ZC3H12B: variants seen among roughly 807,000 people sequenced by gnomAD.
ZC3H12B encodes the protein probable ribonuclease ZC3H12B.
Under a neutral mutation model 43.9 loss-of-function variants are expected in ZC3H12B, and 7 were observed. The ratio of observed to expected loss-of-function variants is 0.16; its 90% CI spans 0.09 to 0.30. The LOEUF is 0.30. Ranked by LOEUF, ZC3H12B falls within the 10% of genes least tolerant of loss-of-function variation. The pLI is 1.00. For missense variants in ZC3H12B, 475 were observed against 670.2 expected (o/e 0.71, Z 3.22); for synonymous variants, 222 against 241.7 (o/e 0.92, Z 0.76).
chrX:65,351,379 G>A, the ZC3H12B span, among the ~76,000 whole-genome samples: 2 of 111,849 alleles, frequency 1.8e-5, no homozygotes, highest in Admixed American at 9.5e-5. Context: ...AGAAAGCCTG[G>A]GCAATACCAT....
intron 4 of ZC3H12B, 126 bp downstream of exon 9, chrX:65,500,115 A>G (rs1203481854): frequency 3.8e-6 from 2 of 533,043 alleles, no homozygotes; most frequent in East Asian, 6.7e-5. Flanking sequence ...TTTGAGTTAA[A>G]GTTTGTGTCT....
the ZC3H12B span, among the ~76,000 whole-genome samples, chrX:65,078,328 T>C: frequency 1.8e-5 from 2 of 112,384 alleles, no homozygotes; most frequent in South Asian, 7.4e-4. Flanking sequence ...ACAATGACTT[T>C]AGTGAATAAG....
the ZC3H12B span, among the ~76,000 whole-genome samples, chrX:65,132,215 A>G: frequency 5.4e-5 from 6 of 111,918 alleles, no homozygotes; most frequent in African/African-American, 1.9e-4. Flanking sequence ...CAGGGTGGAT[A>G]GGCAAAACAA....
the ZC3H12B span, among the ~76,000 whole-genome samples, chrX:65,287,156 C>G: frequency 2.7e-5 from 3 of 110,841 alleles, no homozygotes; most frequent in African/African-American, 9.9e-5. Flanking sequence ...AGAAAAAAAT[C>G]AGATTTAAAC....
At chrX:65,167,850 G>T in the ZC3H12B span, among the ~76,000 whole-genome samples, 2 of 111,765 alleles carry the variant, frequency 1.8e-5, no homozygotes, top group African/African-American at 6.5e-5. Flanking sequence ...TGTTATTGGT[G>T]TATAAGAATG....
chrX:65,170,431 A>G, the ZC3H12B span, among the ~76,000 whole-genome samples: 11 of 111,664 alleles, frequency 9.9e-5, no homozygotes, highest in Non-Finnish European at 1.7e-4. Flanking sequence ...TTCCCTTTGT[A>G]GGTAACCCGA....
chrX:65,158,718 G>A, the ZC3H12B span, among the ~76,000 whole-genome samples: 1 of 110,978 alleles, frequency 9.0e-6, no homozygotes, highest in Admixed American at 9.6e-5. Flanking sequence ...CCCATTTTAT[G>A]CATTGCCTGT....
At chrX:65,070,543 T>G in the ZC3H12B span, among the ~76,000 whole-genome samples, 2 of 111,315 alleles carry the variant, frequency 1.8e-5, no homozygotes, top group Non-Finnish European at 3.8e-5. Context: ...TAATTTGAGA[T>G]CTTTTTAACT....
In ZC3H12B at chrX:65,408,304, A is replaced by C. The variant is rs1034385176; in HGVS notation, n.407+9600A>C. The C allele has an allele frequency of 1.5e-5, 18 of 1,186,413 alleles. No individual in the cohort carries two copies. The African/African-American group carries it at 2.8e-4, about 18-fold the overall frequency. On this transcript the variant is annotated intron_variant and non_coding_transcript_variant, in intron 3 of 5. Transcript: ENST00000617377. ...AAATGCCATATGGATTAAACATTGA[A>C]ATGCACAAACAGACTGAAATCGCCA... is the stretch of plus-strand genomic sequence containing the variant.
chrX:65,356,805 G>C, the ZC3H12B span: 1 of 231,875 alleles, frequency 4.3e-6, no homozygotes, highest in African/African-American at 2.9e-5. Context: ...CAGCAGGTTA[G>C]ACACTACACA....
the ZC3H12B span, among the ~76,000 whole-genome samples, chrX:65,057,417 C>T: frequency 8.9e-6 from 1 of 111,875 alleles, no homozygotes; most frequent in Non-Finnish European, 1.9e-5. Flanking sequence ...GGCCCCCACT[C>T]TCTTCTGGCT....
the ZC3H12B span, among the ~76,000 whole-genome samples, chrX:65,275,444 T>G: frequency 1.8e-5 from 2 of 113,011 alleles, no homozygotes; most frequent in South Asian, 7.2e-4. Context: ...CCAAGTGCAG[T>G]GAAACAGGCT....
At chrX:65,502,109 G>C in exon 5 of ZC3H12B, 1 of 1,208,886 alleles carries the variant, frequency 8.3e-7, no homozygotes, top group Admixed American at 2.2e-5. Context: ...TGCCCTAAGT[G>C]TTCCCACAAT....
chrX:65,116,246 A>G, the ZC3H12B span, among the ~76,000 whole-genome samples: 1 of 111,688 alleles, frequency 9.0e-6, no homozygotes, highest in Middle Eastern at 4.6e-3. Flanking sequence ...GATGAGATCC[A>G]CTTGGATTCT....
the ZC3H12B span, among the ~76,000 whole-genome samples, chrX:65,146,770 G>T: frequency 9.0e-6 from 1 of 111,692 alleles, no homozygotes; most frequent in South Asian, 3.7e-4. Context: ...CAGGCTCCAG[G>T]CTGGTATTGG....
At chrX:65,078,771 T>C in the ZC3H12B span, among the ~76,000 whole-genome samples, 90 of 111,473 alleles carry the variant, frequency 8.1e-4, 3 homozygotes, top group East Asian at 0.024. Context: ...TATATAGTAA[T>C]GGGGTACATG....
chrX:65,136,064 G>A, the ZC3H12B span, among the ~76,000 whole-genome samples: 2,240 of 111,260 alleles, frequency 0.02, 59 homozygotes, highest in African/African-American at 0.071. Flanking sequence ...TAAAATTCTG[G>A]TTGAGACCTT....
chrX:65,224,353 G>A, the ZC3H12B span, among the ~76,000 whole-genome samples: 2 of 112,481 alleles, frequency 1.8e-5, no homozygotes, highest in South Asian at 3.7e-4. Context: ...ACACTGCTTG[G>A]GTGATGGGTT....
At chrX:65,136,947 G>C in the ZC3H12B span, among the ~76,000 whole-genome samples, 1 of 111,796 alleles carries the variant, frequency 8.9e-6, no homozygotes, top group Non-Finnish European at 1.9e-5. Flanking sequence ...AAAATCTAAA[G>C]TGCATGTGAT....
Sources: allele counts gnomAD v4.1 joint callset (sites outside exome capture counted in the v4.1 genomes callset), GRCh38; gene constraint gnomAD v4.1.1; transcripts MANE v1.5; gene names NCBI Gene and HGNC (gene_info 2026-07-23, HGNC 2026-07-21).